Variants in SNX16 observed in about 807,000 individuals in gnomAD.
SNX16 encodes sorting nexin-16.
In SNX16, 35 loss-of-function variants were observed where a neutral mutation model predicts 36.7. The ratio of observed to expected loss-of-function variants is 0.95; its 90% confidence interval spans 0.73 to 1.27. The LOEUF (loss-of-function observed/expected upper bound fraction) is 1.27. SNX16 is among the 50% of genes most tolerant of loss of function. The pLI is 0.00. For missense variants in SNX16, 367 were observed against 393.6 expected (o/e 0.93, Z 0.57); for synonymous variants, 134 against 132.0 (o/e 1.02, Z -0.10).
At chr8:81,808,636 ATGG>A in intron 5 of SNX16, 2 of 935,226 alleles carry the variant, frequency 2.1e-6, no homozygotes, top group Non-Finnish European at 3.5e-6. Context: ...TCTGGCCCCC[ATGG>A]TGGTGGAGGC....
At chr8:81,841,748 A>C (rs1259796809) in intron 1 of SNX16, 1 of 152,196 alleles carries the variant, frequency 6.6e-6, no homozygotes, top group Non-Finnish European at 1.5e-5. Flanking sequence ...ACTCTGGAAA[A>C]CCTCAGGTGA....
chr8:81,808,989 GT>G (rs569033941), intron 5 of SNX16, among the ~76,000 whole-genome samples: 334 of 141,976 alleles, frequency 2.4e-3, no homozygotes, highest in African/African-American at 6.1e-3. Flanking sequence ...TTTTAATGTA[GT>G]TTTTTTTTTT....
intron 4 of SNX16, among the ~76,000 whole-genome samples, chr8:81,822,966 A>ATG (rs36048974): frequency 3.9e-5 from 5 of 126,934 alleles, no homozygotes; most frequent in African/African-American, 5.6e-5. Context: ...ATATATATAT[A>ATG]TATATATATA....
chr8:81,829,341 C>CA (rs34550849), intron 3 of SNX16, 89 bp downstream of exon 3: 288,043 of 475,930 alleles, frequency 0.61, 90,392 homozygotes, highest in East Asian at 0.98. Flanking sequence ...GAATTTGACT[C>CA]ATTAACAAAG....
At chr8:81,825,565 T>C (rs1360848580) in intron 3 of SNX16, among the ~76,000 whole-genome samples, 1 of 152,220 alleles carries the variant, frequency 6.6e-6, no homozygotes, top group African/African-American at 2.4e-5. Context: ...ACAATTATTA[T>C]GCATGCCTTA....
chr8:81,825,804 T>C (rs1463257), intron 3 of SNX16, among the ~76,000 whole-genome samples: 37,678 of 151,960 alleles, frequency 0.25, 5,221 homozygotes, highest in East Asian at 0.37. Context: ...GAAGATAAAA[T>C]AAATAAGGCA....
At chr8:81,838,350 C>G (rs1811586237) in intron 2 of SNX16, among the ~76,000 whole-genome samples, 1 of 151,956 alleles carries the variant, frequency 6.6e-6, no homozygotes, top group South Asian at 2.1e-4. Context: ...TAGCCAAGGC[C>G]ATCCTGAAGA....
intron 4 of SNX16, among the ~76,000 whole-genome samples, chr8:81,817,502 A>G (rs975423434): frequency 1.3e-5 from 2 of 152,126 alleles, no homozygotes; most frequent in African/African-American, 4.8e-5. Flanking sequence ...AATCCAATGG[A>G]TTCTTTAAGT....
intron 5 of SNX16, chr8:81,808,022 TG>T: frequency 1.2e-6 from 1 of 863,180 alleles, no homozygotes; most frequent in Non-Finnish European, 2.0e-6. Context: ...GGAAGAGTTG[TG>T]GAACCAAAGA....
intron 4 of SNX16, among the ~76,000 whole-genome samples, chr8:81,822,865 G>A (rs974115179): frequency 2.7e-5 from 4 of 149,930 alleles, no homozygotes; most frequent in African/African-American, 4.9e-5. Flanking sequence ...AATAAGGGAG[G>A]ATGGGCAGAG....
intron 5 of SNX16, chr8:81,808,424 T>C: frequency 1.7e-6 from 2 of 1,176,930 alleles, no homozygotes; most frequent in Admixed American, 1.7e-5. Context: ...ACTTTGGTTG[T>C]GGAGGAAACT....
At chr8:81,808,001 A>C in intron 5 of SNX16, 4 of 825,782 alleles carry the variant, frequency 4.8e-6, no homozygotes. Context: ...GCAAGGCCAC[A>C]GAAGGTGGAT....
chr8:81,808,205 A>T, intron 5 of SNX16: 1 of 1,328,798 alleles, frequency 7.5e-7, no homozygotes, highest in Non-Finnish European at 1.1e-6. Context: ...AGTGGCAAGA[A>T]AAGGGGCTTT....
intron 4 of SNX16, among the ~76,000 whole-genome samples, chr8:81,816,176 A>ATCT (rs1554545055): frequency 7.9e-6 from 1 of 127,062 alleles, no homozygotes; most frequent in Non-Finnish European, 1.7e-5. Context: ...TTTACAAAGG[A>ATCT]TTTTCTTTTT....
chr8:81,836,024 A>G (rs1811478414), intron 2 of SNX16, among the ~76,000 whole-genome samples: 1 of 152,198 alleles, frequency 6.6e-6, no homozygotes, highest in Non-Finnish European at 1.5e-5. Flanking sequence ...ATACTTCCTA[A>G]TTACCTCCCA....
In SNX16 at chr8:81,830,591, A is replaced by G. The variant is rs554506429; in HGVS notation, c.376-1075T>C. On this transcript the variant is annotated intron_variant, in intron 2 of 7. Coordinates refer to ENST00000345957, the MANE Select transcript of SNX16 (RefSeq NM_152836.3). ...TCCGTCTAGGGGGTAAAAAAAAAAA[A>G]AAAAAAAAAAGAGAAATCACAGATA... Among the ~76,000 whole-genome samples, 439 of 151,486 alleles carry G rather than the reference A, an allele frequency of 2.9e-3. 2 individuals are homozygous for G. The highest frequency in any genetic ancestry group is 0.01 in the African/African-American group (424 of 41,374).
chr8:81,837,124 C>T (rs1198116064), intron 2 of SNX16, among the ~76,000 whole-genome samples: 1 of 152,204 alleles, frequency 6.6e-6, no homozygotes, highest in East Asian at 1.9e-4. Context: ...TCTTCCTTCT[C>T]TGTTTTATTT....
chr8:81,808,385 T>C (rs1810066605), intron 5 of SNX16: 3 of 1,277,286 alleles, frequency 2.3e-6, no homozygotes, highest in Admixed American at 1.7e-5. Flanking sequence ...TTGGTGGTGG[T>C]TGTGGAGGTG....
At chr8:81,838,711 T>C (rs1038679183) in intron 2 of SNX16, among the ~76,000 whole-genome samples, 5 of 151,900 alleles carry the variant, frequency 3.3e-5, no homozygotes, top group Admixed American at 3.3e-4. Context: ...CTTTGTAGCC[T>C]TGGAGTAGGC....
Sources: allele counts gnomAD v4.1 joint callset (sites outside exome capture counted in the v4.1 genomes callset), GRCh38; gene constraint gnomAD v4.1.1; transcripts MANE v1.5; gene names NCBI Gene and HGNC (gene_info 2026-07-23, HGNC 2026-07-21).